Variants in CELF2 observed in about 807,000 individuals in gnomAD.
CELF2 encodes the protein CUG triplet repeat RNA-binding protein 2.
CELF2 carries 8 observed loss-of-function variants against 62.6 expected under a neutral mutation model. The ratio of observed to expected loss-of-function variants is 0.13; its 90% confidence interval spans 0.07 to 0.23. CELF2 has a LOEUF of 0.23. Ranked by LOEUF, CELF2 falls within the 10% of genes least tolerant of loss-of-function variation. The pLI, the probability that CELF2 is intolerant of heterozygous loss-of-function variation, is 1.00. For missense variants in CELF2, 333 were observed against 671.0 expected (o/e 0.50, Z 5.56); for synonymous variants, 258 against 250.0 (o/e 1.03, Z -0.30).
Position 11,039,709 on chromosome 10 carries a change from A to ATG in CELF2, c.74+21548_74+21549dup, listed in dbSNP as rs1161175569. Among the ~76,000 whole-genome samples the ATG allele has an allele frequency of 1.3e-5, 2 of 152,248 alleles. No homozygotes were observed. Among genetic ancestry groups the ATG allele is most frequent in the Non-Finnish European group, 2.9e-5 (2 of 68,034 alleles). On this transcript the variant is annotated intron_variant, in intron 1 of 12. Transcript: ENST00000633077. The surrounding 1 kb of genome is among the most constrained non-coding windows in gnomAD (Gnocchi z 4.1). The stretch of plus-strand genomic sequence containing the variant: ...TTTTGATCATTGAACCAGGAACATT[A>ATG]TGTACCAGTTTTTAAGGCTAGTTTC...
chr10:10,745,133 C>CAAAAA, the CELF2 span, among the ~76,000 whole-genome samples: 104 of 78,552 alleles, frequency 1.3e-3, no homozygotes, highest in Middle Eastern at 6.7e-3. Context: ...AAAAACAAAA[C>CAAAAA]AAAAAAAAAC....
chr10:11,260,667 C>T lies in CELF2; in HGVS notation c.538+2795C>T, dbSNP rs1351131084. Among the ~76,000 whole-genome samples, 1 of 148,242 alleles carries T rather than the reference C, an allele frequency of 6.7e-6. No homozygotes were observed. The highest frequency in any genetic ancestry group is 2.0e-4 in the East Asian group (1 of 5,110). ...CCCATCTGTTTTTTTTTTTTTTAAACAGCAGAAAAGTAATTTCTGGTGAAC... is the reference window on the plus strand; with the variant it reads ...CCCATCTGTTTTTTTTTTTTTTAAATAGCAGAAAAGTAATTTCTGGTGAAC... On this transcript the variant is annotated intron_variant, in intron 5 of 12. Transcript: ENST00000633077. This position sits in a 1 kb window ranked among gnomAD's most constrained non-coding sequence, Gnocchi z 4.2.
intron 2 of CELF2, among the ~76,000 whole-genome samples, chr10:11,168,013 T>C (rs1211229787): frequency 6.6e-6 from 1 of 152,144 alleles, no homozygotes; most frequent in African/African-American, 2.4e-5. Flanking sequence ...GATGGCAGAG[T>C]AGCCCTGGTG....
At chr10:10,745,338 C>G in the CELF2 span, among the ~76,000 whole-genome samples, 1 of 152,112 alleles carries the variant, frequency 6.6e-6, no homozygotes, top group Non-Finnish European at 1.5e-5. Context: ...CCTTTCATTA[C>G]TCGTATCTCC....
At chr10:11,153,313 C>T (rs899509046) in intron 1 of CELF2, among the ~76,000 whole-genome samples, 3 of 152,110 alleles carry the variant, frequency 2.0e-5, no homozygotes, top group Non-Finnish European at 2.9e-5. Flanking sequence ...ATTTGAAGCA[C>T]AGAGCTGCTT....
the CELF2 span, among the ~76,000 whole-genome samples, chr10:10,654,742 A>G: frequency 0.24 from 30,449 of 127,660 alleles, 3,674 homozygotes; most frequent in South Asian, 0.4. Context: ...GCTATCTATG[A>G]CAAACCCACA....
intron 1 of CELF2, among the ~76,000 whole-genome samples, chr10:10,884,803 G>C (rs1317174713): frequency 6.6e-6 from 1 of 152,228 alleles, no homozygotes; most frequent in Non-Finnish European, 1.5e-5. Flanking sequence ...CAGTGCCACT[G>C]TGTATGACTT....
At chr10:10,552,254 A>G in the CELF2 span, among the ~76,000 whole-genome samples, 44 of 152,354 alleles carry the variant, frequency 2.9e-4, no homozygotes, top group African/African-American at 9.4e-4. Flanking sequence ...GAGGAGAGAA[A>G]TTAAATGGCA....
intron 2 of CELF2, chr10:10,946,771 A>G (rs1271219458): frequency 1.3e-5 from 2 of 152,168 alleles, no homozygotes; most frequent in East Asian, 3.8e-4. Context: ...AGAAGTATGA[A>G]CCCTCTGTAC....
At chr10:10,804,432 A>T (rs1361836016) in intron 1 of CELF2, among the ~76,000 whole-genome samples, 1 of 152,232 alleles carries the variant, frequency 6.6e-6, no homozygotes, top group African/African-American at 2.4e-5. Flanking sequence ...AGTGGCTTTG[A>T]CAGATAGTTG....
At chr10:11,029,827 C>G (rs1482182444) in intron 1 of CELF2, among the ~76,000 whole-genome samples, 9 of 152,212 alleles carry the variant, frequency 5.9e-5, no homozygotes, top group Non-Finnish European at 1.3e-4. Context: ...TCCAAGAAGT[C>G]TGATTAACTT....
At chr10:10,864,085 T>C (rs2060208724) in intron 1 of CELF2, among the ~76,000 whole-genome samples, 1 of 152,168 alleles carries the variant, frequency 6.6e-6, no homozygotes, top group African/African-American at 2.4e-5. Flanking sequence ...TTATTATAAT[T>C]AGCATATAAT....
chr10:11,152,184 T>C (rs1017092149), intron 1 of CELF2, among the ~76,000 whole-genome samples: 18 of 152,110 alleles, frequency 1.2e-4, no homozygotes, highest in African/African-American at 4.1e-4. Context: ...GTGCAGCCAA[T>C]AGAGTTGCCA....
At chr10:10,849,246 A>T (rs1403455964) in intron 1 of CELF2, among the ~76,000 whole-genome samples, 3 of 151,662 alleles carry the variant, frequency 2.0e-5, no homozygotes, top group Admixed American at 1.3e-4. Flanking sequence ...AAAATACAAA[A>T]AAAAAAAAAA....
chr10:11,270,289 C>T lies in CELF2; in HGVS notation c.619-377C>T, dbSNP rs2083376999. On this transcript the variant is annotated intron_variant, in intron 6 of 12. Transcript: ENST00000633077. The surrounding 1 kb of genome is among the most constrained non-coding windows in gnomAD (Gnocchi z 5.8). ...CCACCTGTGGACACGGGCAGACACA[C>T]AAAGCCAAGTCTGTCTTTAAGACGA... 6.6e-6 allele frequency among the ~76,000 whole-genome samples: 1 copy of T among 152,182 alleles called. No homozygotes were observed. Among genetic ancestry groups the T allele is most frequent in the Non-Finnish European group, 1.5e-5 (1 of 68,036 alleles).
intron 1 of CELF2, among the ~76,000 whole-genome samples, chr10:11,086,440 G>A (rs999831791): frequency 2.6e-5 from 4 of 151,942 alleles, no homozygotes; most frequent in South Asian, 2.1e-4. Flanking sequence ...GGGATTAGAC[G>A]CCAACATTCC....
the CELF2 span, among the ~76,000 whole-genome samples, chr10:10,780,078 C>G: frequency 6.6e-6 from 1 of 152,134 alleles, no homozygotes; most frequent in Non-Finnish European, 1.5e-5. Context: ...ATATTTCTGA[C>G]AGTAGAATGT....
the CELF2 span, among the ~76,000 whole-genome samples, chr10:10,676,004 T>C: frequency 6.6e-6 from 1 of 152,238 alleles, no homozygotes; most frequent in East Asian, 1.9e-4. Flanking sequence ...CCTTTTAGTA[T>C]GGCTTGTAAT....
At chr10:10,518,899 G>A in the CELF2 span, among the ~76,000 whole-genome samples, 3 of 152,244 alleles carry the variant, frequency 2.0e-5, no homozygotes, top group African/African-American at 7.2e-5. Flanking sequence ...GAGCTGAGGT[G>A]AGCCCAGTGG....
Sources: gnomAD v4.1 joint callset for allele counts (sites outside exome capture counted in the v4.1 genomes callset) on GRCh38, gnomAD v4.1.1 for gene constraint, Gnocchi (gnomAD v3.1) non-coding constraint, MANE v1.5 for transcripts, NCBI Gene and HGNC (gene_info 2026-07-23, HGNC 2026-07-21) for gene names.